CNBD1: variants seen among roughly 807,000 people sequenced by gnomAD.
CNBD1 encodes cyclic nucleotide-binding domain-containing protein 1.
In CNBD1, 71 loss-of-function variants were observed where a neutral mutation model predicts 54.4. The observed-to-expected ratio is 1.30, with a 90% confidence interval of 1.08 to 1.59. The LOEUF (loss-of-function observed/expected upper bound fraction) is 1.59. Among genes scored for constraint, CNBD1 ranks in the 40% most tolerant of loss-of-function variants. CNBD1 has a pLI of 0.00. For missense variants in CNBD1, 659 were observed against 518.0 expected, an observed-to-expected ratio of 1.27 and a Z score of -2.64; for synonymous variants, 182 against 170.7, an observed-to-expected ratio of 1.07 and a Z score of -0.51.
intron 9 of CNBD1, among the ~76,000 whole-genome samples, 191 bp from the exon 10 acceptor site, chr8:87,353,445 G>A (rs1191409055): frequency 6.6e-6 from 1 of 152,108 alleles, no homozygotes; most frequent in African/African-American, 2.4e-5. Context: ...AGTTATCTAT[G>A]AATTTACTAT....
At chr8:87,269,659 G>T (rs1808325046) in intron 6 of CNBD1, among the ~76,000 whole-genome samples, 1 of 151,992 alleles carries the variant, frequency 6.6e-6, no homozygotes, top group South Asian at 2.1e-4. Flanking sequence ...GCATTCCTAT[G>T]TGTTTTACTC....
chr8:87,042,742 TG>T (rs1810098651), intron 4 of CNBD1, among the ~76,000 whole-genome samples: 1 of 152,122 alleles, frequency 6.6e-6, no homozygotes, highest in African/African-American at 2.4e-5. Flanking sequence ...AACAATTATG[TG>T]TTATAAATAA....
At chr8:87,423,657 A>G (rs10108356) in intron 2 of CNBD1, among the ~76,000 whole-genome samples, 77,091 of 140,678 alleles carry the variant, frequency 0.55, 22,697 homozygotes, top group African/African-American at 0.75. Flanking sequence ...GCTTTTTGAT[A>G]TGCTGCTGGA....
intron 8 of CNBD1, among the ~76,000 whole-genome samples, chr8:87,330,886 A>G (rs1738057695): frequency 6.6e-6 from 1 of 152,178 alleles, no homozygotes; most frequent in Non-Finnish European, 1.5e-5. Flanking sequence ...GATTAATATT[A>G]GATATAAATT....
chr8:87,203,389 C>T (rs1813904873), intron 4 of CNBD1, among the ~76,000 whole-genome samples: 1 of 152,166 alleles, frequency 6.6e-6, no homozygotes, highest in Non-Finnish European at 1.5e-5. Flanking sequence ...AATGCACATA[C>T]ACATTCTTTC....
intron 10 of CNBD1, among the ~76,000 whole-genome samples, chr8:87,360,580 A>G (rs1810506060): frequency 2.6e-5 from 4 of 151,916 alleles, no homozygotes; most frequent in Admixed American, 2.6e-4. Context: ...TTGCAAGTCA[A>G]TATAACTATT....
intron 6 of CNBD1, among the ~76,000 whole-genome samples, chr8:87,278,534 C>T (rs1207140479): frequency 6.6e-6 from 1 of 151,526 alleles, no homozygotes; most frequent in Non-Finnish European, 1.5e-5. Context: ...AAAAAAGTAA[C>T]TTCTGACCTA....
intron 8 of CNBD1, among the ~76,000 whole-genome samples, chr8:87,290,216 A>G (rs1808761555): frequency 1.3e-5 from 2 of 151,926 alleles, no homozygotes; most frequent in South Asian, 2.1e-4. Flanking sequence ...ATACATTATT[A>G]TTTTATATAA....
At chr8:87,357,601 G>A (rs997833200) in intron 10 of CNBD1, among the ~76,000 whole-genome samples, 12 of 152,108 alleles carry the variant, frequency 7.9e-5, no homozygotes, top group African/African-American at 2.9e-4. Context: ...TAGCACCACT[G>A]TATCTTGGAA....
chr8:87,403,355 TGTC>T (rs1807600070), intron 2 of CNBD1, among the ~76,000 whole-genome samples: 1 of 152,050 alleles, frequency 6.6e-6, no homozygotes, highest in Non-Finnish European at 1.5e-5. Context: ...ATATGGCACT[TGTC>T]GTAGATAGAC....
At chr8:87,253,096 T>G (rs1807942283) in intron 6 of CNBD1, among the ~76,000 whole-genome samples, 1 of 152,132 alleles carries the variant, frequency 6.6e-6, no homozygotes, top group Non-Finnish European at 1.5e-5. Flanking sequence ...CTACGTCAGA[T>G]TCCTAAGGGT....
intron 8 of CNBD1, among the ~76,000 whole-genome samples, chr8:87,287,030 C>A (rs1045743543): frequency 6.6e-6 from 1 of 151,978 alleles, no homozygotes; most frequent in African/African-American, 2.4e-5. Flanking sequence ...CCATTTTTTT[C>A]TTTTCCTTTT....
chr8:87,343,171 C>T (rs1411348919), intron 8 of CNBD1, among the ~76,000 whole-genome samples: 1 of 152,148 alleles, frequency 6.6e-6, no homozygotes, highest in African/African-American at 2.4e-5. Flanking sequence ...GGCAGTCAGA[C>T]CTTATGGTTA....
intron 4 of CNBD1, among the ~76,000 whole-genome samples, chr8:86,992,945 T>TTA (rs1808786605): frequency 6.6e-6 from 1 of 152,194 alleles, no homozygotes; most frequent in Non-Finnish European, 1.5e-5. Flanking sequence ...GATAGTCATC[T>TTA]TATATAGTAC....
intron 4 of CNBD1, among the ~76,000 whole-genome samples, chr8:87,167,035 T>C (rs968118862): frequency 6.6e-6 from 1 of 151,992 alleles, no homozygotes; most frequent in Non-Finnish European, 1.5e-5. Flanking sequence ...AGAAATAATA[T>C]GTTTATTGCA....
chr8:87,381,666 C>T (rs1811077483), intron 10 of CNBD1, among the ~76,000 whole-genome samples: 2 of 151,938 alleles, frequency 1.3e-5, no homozygotes, highest in Non-Finnish European at 2.9e-5. Context: ...AAATGGAATG[C>T]TATTCAGCCT....
At chr8:87,276,841 GA>G (rs11334607) in intron 6 of CNBD1, among the ~76,000 whole-genome samples, 42,429 of 151,314 alleles carry the variant, frequency 0.28, 6,349 homozygotes, top group African/African-American at 0.39. Flanking sequence ...TAAATGAGCA[GA>G]AAATAGTGAA....
rs190358965 is a variant in CNBD1 at position 87,304,072 on chromosome 8, G to C, written c.1042+17401G>C. The stretch of plus-strand genomic sequence containing the variant: ...ACTAGTTCAACCATTGTGGAAGTCA[G>C]TGTGGCGATTCCTCAGGGATCTAGA... On this transcript the variant is annotated intron_variant, in intron 8 of 10. Coordinates refer to ENST00000518476, the MANE Select transcript of CNBD1 (RefSeq NM_173538.3). Among the ~76,000 whole-genome samples the C allele has an allele frequency of 2.3e-3, 353 of 152,282 alleles. 2 individuals carry two copies. Among genetic ancestry groups the C allele is most frequent in the African/African-American group, 7.2e-3 (298 of 41,554 alleles).
chr8:86,924,525 G>T (rs546943364), intron 3 of CNBD1, among the ~76,000 whole-genome samples: 26 of 152,210 alleles, frequency 1.7e-4, no homozygotes, highest in Non-Finnish European at 2.6e-4. Context: ...TTCTGTGGGT[G>T]GAAAAAGTAG....
Sources: gnomAD v4.1 joint callset for allele counts (sites outside exome capture counted in the v4.1 genomes callset) on GRCh38, gnomAD v4.1.1 for gene constraint, MANE v1.5 for transcripts, NCBI Gene and HGNC (gene_info 2026-07-23, HGNC 2026-07-21) for gene names.